STK33: variants seen among roughly 807,000 people sequenced by gnomAD.
STK33 encodes serine/threonine-protein kinase 33.
Under a neutral mutation model 58.0 loss-of-function variants are expected in STK33, and 52 were observed. The ratio of observed to expected loss-of-function variants is 0.90; its 90% confidence interval spans 0.72 to 1.13. STK33 has a LOEUF of 1.13. STK33 is among the 50% of genes most tolerant of loss of function. The pLI is 0.00. For synonymous variants in STK33, 215 were observed against 200.1 expected (o/e 1.07, Z -0.63); for missense variants, 630 against 604.2 (o/e 1.04, Z -0.45).
rs1175980531 is a variant in STK33, at chr11:8,392,242, T to TA, written c.*267dup. 12 of 464,810 alleles carry TA rather than the reference T, an allele frequency of 2.6e-5. No homozygotes were observed. The highest frequency in any genetic ancestry group is 1.1e-4 in the Admixed American group (3 of 26,214). The allele number at this position is 464,810 out of a possible 1,614,324, so 28.8% of individuals were successfully genotyped here. ...CTTAAATTGAAGGTATCTGCCCCCCTAAAAAACCTTCGTGTACATCTTGAG... is the reference window on the plus strand; with the variant it reads ...CTTAAATTGAAGGTATCTGCCCCCCTAAAAAAACCTTCGTGTACATCTTGAG... On this transcript the variant is annotated 3_prime_UTR_variant, in exon 16 of 16. Transcript: ENST00000687296.
chr11:8,447,683 C>A lies in STK33; in HGVS notation c.871+5139G>T, dbSNP rs140764306. On this transcript the variant is annotated intron_variant, in intron 11 of 15. Coordinates refer to ENST00000687296, the MANE Select transcript of STK33 (RefSeq NM_001352389.2). ...TGACAAACCCACAGCCAATATCATA[C>A]TTAATGGGCAAAAACTGGAAGCATT... Among the ~76,000 whole-genome samples the A allele has an allele frequency of 6.9e-4, 105 of 152,200 alleles. 2 individuals carry two copies. The highest frequency in any genetic ancestry group is 2.2e-3 in the African/African-American group (90 of 41,534).
At chr11:8,414,531 T>C (rs779940039) in intron 14 of STK33, among the ~76,000 whole-genome samples, 4 of 152,142 alleles carry the variant, frequency 2.6e-5, no homozygotes, top group Non-Finnish European at 4.4e-5. Context: ...TATGGATGTA[T>C]TGAAATGTTT....
At chr11:8,486,399 T>C (rs1177663949) in intron 1 of STK33, among the ~76,000 whole-genome samples, 1 of 151,216 alleles carries the variant, frequency 6.6e-6, no homozygotes, top group Non-Finnish European at 1.5e-5. Flanking sequence ...TTATGTGTAC[T>C]CTCAGCCTGG....
At chr11:8,519,594 A>T (rs1375295649) in intron 1 of STK33, among the ~76,000 whole-genome samples, 6 of 152,226 alleles carry the variant, frequency 3.9e-5, no homozygotes, top group African/African-American at 1.2e-4. Context: ...ATAGACTGCT[A>T]GCAAGACTAA....
chr11:8,549,913 A>G (rs1184965479), intron 1 of STK33, among the ~76,000 whole-genome samples: 2 of 152,170 alleles, frequency 1.3e-5, no homozygotes, highest in African/African-American at 4.8e-5. Flanking sequence ...TTTAAAAAAA[A>G]CCAACTTTTA....
At chr11:8,508,847 T>G (rs1952077474) in intron 1 of STK33, among the ~76,000 whole-genome samples, 1 of 152,180 alleles carries the variant, frequency 6.6e-6, no homozygotes, top group Non-Finnish European at 1.5e-5. Flanking sequence ...CCGGGCTCAG[T>G]GGCTCAAGCC....
chr11:8,403,938 A>AT (rs1938604462), intron 15 of STK33, among the ~76,000 whole-genome samples: 1 of 152,240 alleles, frequency 6.6e-6, no homozygotes, highest in South Asian at 2.1e-4. Flanking sequence ...ATTTCTCTGA[A>AT]TTTTGAGTAA....
At chr11:8,357,392 G>T in the STK33 span, among the ~76,000 whole-genome samples, 1 of 152,220 alleles carries the variant, frequency 6.6e-6, no homozygotes, top group Non-Finnish European at 1.5e-5. Flanking sequence ...GGCTGGAGCT[G>T]GTCGCAGCCC....
intron 1 of STK33, among the ~76,000 whole-genome samples, chr11:8,495,081 C>T (rs1394196011): frequency 3.3e-5 from 5 of 152,040 alleles, no homozygotes; most frequent in Admixed American, 6.5e-5. Context: ...CAACAAAAGC[C>T]GAAATTGACA....
intron 1 of STK33, among the ~76,000 whole-genome samples, chr11:8,542,452 G>A (rs1223682585): frequency 6.6e-6 from 1 of 152,154 alleles, no homozygotes; most frequent in Non-Finnish European, 1.5e-5. Flanking sequence ...CCTCCCGGGG[G>A]ATGGCTGGCA....
chr11:8,484,925 A>T (rs149943610), intron 1 of STK33, among the ~76,000 whole-genome samples: 44 of 152,334 alleles, frequency 2.9e-4, no homozygotes, highest in Admixed American at 7.8e-4. Flanking sequence ...GACAGGTTCA[A>T]GATTTTAAAG....
the STK33 span, among the ~76,000 whole-genome samples, chr11:8,336,832 G>A: frequency 6.6e-6 from 1 of 152,360 alleles, no homozygotes; most frequent in Non-Finnish European, 1.5e-5. Flanking sequence ...GGGCCCGCGG[G>A]CTGCAAGGCC....
At chr11:8,347,045 G>A in the STK33 span, among the ~76,000 whole-genome samples, 1 of 152,234 alleles carries the variant, frequency 6.6e-6, no homozygotes, top group African/African-American at 2.4e-5. Context: ...AGATAGCTCA[G>A]CCTTTTCCAG....
chr11:8,347,113 C>A, the STK33 span, among the ~76,000 whole-genome samples: 1 of 152,174 alleles, frequency 6.6e-6, no homozygotes, highest in African/African-American at 2.4e-5. Context: ...CTCAGTCTTT[C>A]AAAATTCAAA....
chr11:8,589,713 T>C (rs940390855), intron 1 of STK33, among the ~76,000 whole-genome samples: 1 of 152,214 alleles, frequency 6.6e-6, no homozygotes, highest in African/African-American at 2.4e-5. Context: ...ACATATTATA[T>C]GTACCATCAA....
intron 1 of STK33, among the ~76,000 whole-genome samples, chr11:8,520,828 C>T (rs1052067579): frequency 6.6e-6 from 1 of 151,984 alleles, no homozygotes; most frequent in Non-Finnish European, 1.5e-5. Flanking sequence ...CAAACCACTG[C>T]TCAATGAAAT....
At chr11:8,488,903 G>C (rs1490931035) in intron 1 of STK33, among the ~76,000 whole-genome samples, 3 of 152,146 alleles carry the variant, frequency 2.0e-5, no homozygotes, top group Admixed American at 6.5e-5. Flanking sequence ...GAACTTACTA[G>C]ACAAAGACTT....
chr11:8,477,551 A>C, intron 2 of STK33, among the ~76,000 whole-genome samples: 1 of 152,172 alleles, frequency 6.6e-6, no homozygotes, highest in Non-Finnish European at 1.5e-5. Flanking sequence ...GAGTTCTTTC[A>C]TGATAAACAG....
At chr11:8,380,982 G>A in the STK33 span, among the ~76,000 whole-genome samples, 2 of 152,182 alleles carry the variant, frequency 1.3e-5, no homozygotes, top group Admixed American at 1.3e-4. Context: ...GATGGAGCTG[G>A]AGGCCACTAT....
Sources: gnomAD v4.1 joint callset for allele counts (sites outside exome capture counted in the v4.1 genomes callset) on GRCh38, gnomAD v4.1.1 for gene constraint, MANE v1.5 for transcripts, NCBI Gene and HGNC (gene_info 2026-07-23, HGNC 2026-07-21) for gene names.